The following RGS3 variants were observed in gnomAD, a reference collection of about 807,000 sequenced individuals.
The protein encoded by RGS3 is regulator of G protein signaling 3.
In RGS3, 80 loss-of-function variants were observed where a neutral mutation model predicts 132.6. That is an observed-to-expected ratio of 0.60 (90% confidence interval 0.50 to 0.73). RGS3 has a LOEUF of 0.73. RGS3 is among the 30% of genes least tolerant of loss of function. The probability of loss-of-function intolerance (pLI) is 0.00; values close to 1 mark genes in which losing one functional copy is unlikely to be tolerated. For missense variants in RGS3, 1,382 were observed against 1,530.8 expected, an observed-to-expected ratio of 0.90 and a Z score of 1.62; for synonymous variants, 598 against 620.6, an observed-to-expected ratio of 0.96 and a Z score of 0.54.
chr9:113,463,755 A>C lies in RGS3; in HGVS notation c.415+1554A>C. ...GACTCCGGTTACTGGGGAGCAACAC[A>C]GCCGCCTCGGGTTGCAGACGCTCCT... On this transcript the variant is annotated intron_variant, in intron 3 of 24. Coordinates refer to ENST00000350696, the Ensembl canonical transcript of RGS3. The surrounding 1 kb of genome is among the most constrained non-coding windows in gnomAD (Gnocchi z 4.6). 1.3e-6 allele frequency: 2 copies of C among 1,562,826 alleles called. No homozygotes were observed. The highest frequency in any genetic ancestry group is 1.7e-6 in the Non-Finnish European group (2 of 1,156,034).
At chr9:113,554,214 T>G (rs188052947) in intron 19 of RGS3, among the ~76,000 whole-genome samples, 5 of 152,232 alleles carry the variant, frequency 3.3e-5, no homozygotes, top group Admixed American at 3.3e-4. Flanking sequence ...TAAAATGGAA[T>G]GTTATTGCTT....
intron 19 of RGS3, among the ~76,000 whole-genome samples, chr9:113,566,224 A>G (rs1010947573): frequency 6.6e-6 from 1 of 152,022 alleles, no homozygotes; most frequent in African/African-American, 2.4e-5. Flanking sequence ...GGTCCCTGAG[A>G]CGGCCTCTGC....
chr9:113,503,141 G>A (rs1309025718), intron 10 of RGS3, among the ~76,000 whole-genome samples: 10 of 152,234 alleles, frequency 6.6e-5, no homozygotes, highest in African/African-American at 9.6e-5. Context: ...GGACAGGAAA[G>A]AGCGAGAACC....
At chr9:113,585,383 A>G (rs890112612) in intron 20 of RGS3, among the ~76,000 whole-genome samples, 1 of 152,252 alleles carries the variant, frequency 6.6e-6, no homozygotes, top group African/African-American at 2.4e-5. Context: ...CTGGTGCCTG[A>G]TAACACTAGC....
chr9:113,470,324 T>C (rs1356659959), intron 3 of RGS3, among the ~76,000 whole-genome samples: 2 of 152,236 alleles, frequency 1.3e-5, no homozygotes. Flanking sequence ...CTGTTTTCTC[T>C]GTCAGTTCCT....
At position 113,463,834 on chromosome 9, in the gene RGS3, G is replaced by A; in HGVS notation, c.415+1633G>A. ...CGCTCCCTGCACCGCGTCTCCCTCG[G>A]GAGCCGGCGTGCCCACCCGGACTTG... On this transcript the variant is annotated intron_variant, in intron 3 of 24. Coordinates refer to ENST00000350696, the Ensembl canonical transcript of RGS3. The surrounding 1 kb of genome is among the most constrained non-coding windows in gnomAD (Gnocchi z 4.6). 2 of 1,613,008 alleles carry A rather than the reference G, an allele frequency of 1.2e-6. No individual in the cohort carries two copies. The highest frequency in any genetic ancestry group is 2.2e-5 in the South Asian group (2 of 91,010).
chr9:113,597,165 C>T, exon 25 of RGS3: 1 of 514,122 alleles, frequency 1.9e-6, no homozygotes, highest in Middle Eastern at 5.1e-4. Context: ...CCCCACTGCC[C>T]CGGTACGAGG....
intron 17 of RGS3, among the ~76,000 whole-genome samples, chr9:113,526,723 C>T (rs1275727568): frequency 6.6e-6 from 1 of 152,206 alleles, no homozygotes; most frequent in Non-Finnish European, 1.5e-5. Flanking sequence ...GGGGCCCACC[C>T]AGCCCGTGAT....
At chr9:113,483,068 G>C in exon 5 of RGS3, 1 of 1,614,088 alleles carries the variant, frequency 6.2e-7, no homozygotes, top group Non-Finnish European at 8.5e-7. Context: ...GTTATAGAAG[G>C]TAAAGGCCTG....
At chr9:113,459,547 C>T (rs748714662), upstream of RGS3, among the ~76,000 whole-genome samples, 3 of 151,870 alleles carry the variant, frequency 2.0e-5, no homozygotes, top group Non-Finnish European at 4.4e-5. Context: ...GTCAGGAGTT[C>T]GAAACCATCC....
chr9:113,513,446 A>G (rs1831496283), intron 14 of RGS3, among the ~76,000 whole-genome samples: 1 of 152,218 alleles, frequency 6.6e-6, no homozygotes, highest in African/African-American at 2.4e-5. Flanking sequence ...TGGGATTCCC[A>G]GAGTCCTATG....
intron 1 of RGS3, among the ~76,000 whole-genome samples, chr9:113,453,103 A>T (rs980441484): frequency 2.2e-5 from 3 of 135,404 alleles, no homozygotes; most frequent in Admixed American, 8.1e-5. Context: ...TATTTTATAT[A>T]AATTTACATA....
rs1186081536 is a variant in RGS3, at chr9:113,497,322, T to G, written c.759T>G (p.Ser253Arg). The change falls in exon 9 of 25, where the codon AGT becomes AGG. Residue 253 changes from serine to arginine, a missense_variant. Physicochemically the swap from Ser to Arg is moderately radical, Grantham distance 110. Coordinates refer to ENST00000350696, the Ensembl canonical transcript of RGS3. ...TCCTTCTCTCGTGACAGGAGATCAG[T>G]GGTTGGTACTACCTCCTAGGGGAGC... The G allele has an allele frequency of 1.2e-6, 2 of 1,612,364 alleles. No homozygotes were observed. Among genetic ancestry groups the G allele is most frequent in the Admixed American group, 3.3e-5 (2 of 59,974 alleles).
chr9:113,539,282 C>T (rs1207312009), intron 19 of RGS3, among the ~76,000 whole-genome samples: 1 of 152,208 alleles, frequency 6.6e-6, no homozygotes. Context: ...CGGAGGCTGG[C>T]TGCTTGCTCT....
Position 113,562,217 on chromosome 9 carries a change from C to T in RGS3, c.2038-21233C>T, listed in dbSNP as rs543613448. Among the ~76,000 whole-genome samples, 9 of 152,198 alleles carry T rather than the reference C, an allele frequency of 5.9e-5. No homozygotes were observed. The South Asian group carries it at 1.2e-3, about 21-fold the overall frequency. On this transcript the variant is annotated intron_variant, in intron 19 of 24. Transcript: ENST00000350696. ...TGAGGCTGGGCACGTGGCTCTTGCC[C>T]GTAATCCCAGCACTTTGGGAGGCTG...
chr9:113,447,870 G>C (rs1256623815), intron 1 of RGS3, among the ~76,000 whole-genome samples: 4 of 132,228 alleles, frequency 3.0e-5, no homozygotes, highest in Admixed American at 8.0e-5. Flanking sequence ...TTTTTTTTGA[G>C]ACAGGGTCCC....
In RGS3 at chr9:113,565,117, C is replaced by T. The variant is rs1833935995; in HGVS notation, c.2038-18333C>T. ...TCTCCCCCGGAGCAGCACTTTGGGG[C>T]CAGCTTGGGCCCTGGGGATGAGCCA... On this transcript the variant is annotated intron_variant, in intron 19 of 24. Coordinates refer to ENST00000350696, the Ensembl canonical transcript of RGS3. The surrounding 1 kb of genome is among the most constrained non-coding windows in gnomAD (Gnocchi z 5.7). The T allele has an allele frequency of 1.7e-6, 2 of 1,169,170 alleles. No individual in the cohort carries two copies. The highest frequency in any genetic ancestry group is 3.3e-5 in the South Asian group (2 of 60,340). 72.4% of individuals were successfully genotyped at this position (1,169,170 alleles called of 1,614,324 possible).
chr9:113,561,662 T>G (rs976406331), intron 19 of RGS3, among the ~76,000 whole-genome samples: 1 of 151,288 alleles, frequency 6.6e-6, no homozygotes, highest in African/African-American at 2.4e-5. Context: ...GCTCAAATGA[T>G]CCTCCCACCT....
rs768946449 is a variant in RGS3, at chr9:113,507,477, C to T, written c.1276C>T (p.Leu426=). 6.2e-7 allele frequency: 1 copy of T among 1,613,470 alleles called. No individual in the cohort carries two copies. Reference sequence around the variant, plus strand: ...GCCTGAGCAGCGCCACAGCTGCCACCTGGTATGTGACAGCTCTGATGGGCT... The same window carrying T: ...GCCTGAGCAGCGCCACAGCTGCCACTTGGTATGTGACAGCTCTGATGGGCT... Residue 426 remains leucine, a synonymous_variant, in exon 13 of 25, where the codon CTG becomes TTG. Transcript: ENST00000350696. This position sits in a 1 kb window ranked among gnomAD's most constrained non-coding sequence, Gnocchi z 5.0.
Sources: allele counts gnomAD v4.1 joint callset (sites outside exome capture counted in the v4.1 genomes callset), GRCh38; gene constraint gnomAD v4.1.1; non-coding constraint Gnocchi (gnomAD v3.1); transcripts MANE v1.5; gene names NCBI Gene and HGNC (gene_info 2026-07-23, HGNC 2026-07-21).